The following GRIN2D variants were observed in gnomAD, a reference collection of about 807,000 sequenced individuals.
The protein encoded by GRIN2D is glutamate receptor ionotropic, NMDA 2D.
GRIN2D carries 37 observed loss-of-function variants against 103.2 expected under a neutral mutation model. The ratio of observed to expected loss-of-function variants is 0.36; its 90% CI spans 0.28 to 0.47. GRIN2D has a LOEUF of 0.47. Among genes scored for constraint, GRIN2D ranks in the 20% least tolerant of loss-of-function variants. The probability of loss-of-function intolerance (pLI) is 1.00; values close to 1 mark genes in which losing one functional copy is unlikely to be tolerated. For missense variants in GRIN2D, 1,557 were observed against 1,910.6 expected, an observed-to-expected ratio of 0.81 and a Z score of 3.45; for synonymous variants, 845 against 885.6, an observed-to-expected ratio of 0.95 and a Z score of 0.81.
chr19:48,435,527 T>C lies in GRIN2D; in HGVS notation c.2253-6242T>C, dbSNP rs142633092. 4.6e-3 allele frequency among the ~76,000 whole-genome samples: 697 copies of C among 152,090 alleles called. 9 individuals carry two copies. Among genetic ancestry groups the C allele is most frequent in the African/African-American group, 0.016 (672 of 41,506 alleles). Reference sequence around the variant, plus strand: ...CTGGTCATGAACTTCTGAACTCAGGTGATCCGCTCGAGGTTCAAGCAATTC... The same window carrying C: ...CTGGTCATGAACTTCTGAACTCAGGCGATCCGCTCGAGGTTCAAGCAATTC... On this transcript the variant is annotated intron_variant, in intron 11 of 13. Coordinates refer to ENST00000263269, the MANE Select transcript of GRIN2D (RefSeq NM_000836.4).
rs1423192535 is a variant in GRIN2D at position 48,442,602 on chromosome 19, C to A, written c.2676C>A (p.Gly892=). 6 of 1,510,272 alleles carry A rather than the reference C, an allele frequency of 4.0e-6. No homozygotes were observed. In the African/African-American group the frequency reaches 5.5e-5, roughly 14 times the overall value. The allele number at this position is 1,510,272 out of a possible 1,614,324, so 93.6% of individuals were successfully genotyped here. A position where few individuals can be genotyped will look rare whatever the true frequency, so the allele number is the denominator to read the frequency against. The change falls in exon 14 of 14, where the codon GGC becomes GGA. Residue 892 remains glycine (G), a splice_region_variant and synonymous_variant. Coordinates refer to ENST00000263269, the MANE Select transcript of GRIN2D (RefSeq NM_000836.4). The surrounding 1 kb of genome is among the most constrained non-coding windows in gnomAD (Gnocchi z 7.2). ...RMDFLLAFSR[G]MYSCCSAEAA... is the part of the protein sequence containing the mutation. ...CCGTCCTGTCCCCGGACCCGCAGGGCATGTACAGCTGCTGCAGCGCTGAGG... is the reference window on the plus strand; with the variant it reads ...CCGTCCTGTCCCCGGACCCGCAGGGAATGTACAGCTGCTGCAGCGCTGAGG...
chr19:48,423,306 C>A (rs1395919536), intron 11 of GRIN2D, among the ~76,000 whole-genome samples: 2 of 152,188 alleles, frequency 1.3e-5, no homozygotes, highest in Non-Finnish European at 2.9e-5. Context: ...CCCCGTCCTG[C>A]ATTTACTCAG....
chr19:48,398,978 A>G, intron 3 of GRIN2D, 121 bp downstream of exon 3: 1 of 964,798 alleles, frequency 1.0e-6, no homozygotes, highest in Non-Finnish European at 1.4e-6. Context: ...TGTGGGTCCG[A>G]GTCTGGGACA....
chr19:48,405,340 G>A lies in GRIN2D; in HGVS notation c.1072G>A (p.Glu358Lys). 2 of 1,586,470 alleles carry A rather than the reference G, an allele frequency of 1.3e-6. No individual in the cohort carries two copies. Among genetic ancestry groups the A allele is most frequent in the South Asian group, 1.1e-5 (1 of 87,988 alleles). ...CGCCCAGAACCGCACCCACCGCGGC[G>A]AGAGTCTGCATAGGTGAGTGGGGCT... is the stretch of plus-strand genomic sequence containing the variant. ...CRAQNRTHRG[E>K]SLHRYFMNIT... Residue 358 changes from glutamate (E) to lysine (K), a missense_variant, in exon 4 of 14, where the codon GAG becomes AAG. By Grantham distance (56) the Glu-to-Lys change is moderately conservative (BLOSUM62 1). Transcript: ENST00000263269. The surrounding 1 kb of genome is among the most constrained non-coding windows in gnomAD (Gnocchi z 5.1).
At chr19:48,427,906 G>A (rs1432948290) in intron 11 of GRIN2D, among the ~76,000 whole-genome samples, 1 of 152,098 alleles carries the variant, frequency 6.6e-6, no homozygotes, top group Non-Finnish European at 1.5e-5. Flanking sequence ...TAGTCCTGGA[G>A]GCTAGGCATC....
At position 48,443,946 on chromosome 19, in the gene GRIN2D, C is replaced by G; in HGVS notation, c.*9C>G. 1 of 1,390,942 alleles carries G rather than the reference C, an allele frequency of 7.2e-7. No individual in the cohort carries two copies. The allele number at this position is 1,390,942 out of a possible 1,614,324, so 86.2% of individuals were successfully genotyped here. A position where few individuals can be genotyped will look rare whatever the true frequency, so the allele number is the denominator to read the frequency against. ...TCGAGTCCGAGGTATGACGCGGCCC[C>G]GGGGGCCCCACCGCCCCCTTGGTCA... On this transcript the variant is annotated 3_prime_UTR_variant, in exon 14 of 14. Coordinates refer to ENST00000263269, the MANE Select transcript of GRIN2D (RefSeq NM_000836.4). This position sits in a 1 kb window ranked among gnomAD's most constrained non-coding sequence, Gnocchi z 8.9.
chr19:48,405,839 G>GTGAT lies in GRIN2D; in HGVS notation c.1085+487_1085+490dup, dbSNP rs1035004885. Among the ~76,000 whole-genome samples, 2 of 152,186 alleles carry GTGAT rather than the reference G, an allele frequency of 1.3e-5. No homozygotes were observed. Among genetic ancestry groups the GTGAT allele is most frequent in the African/African-American group, 4.8e-5 (2 of 41,446 alleles). The stretch of plus-strand genomic sequence containing the variant: ...CCTGATAAGGAGACTGCTGTTCCAT[G>GTGAT]TGATCATTCAGGGACCCAGGATTCT... On this transcript the variant is annotated intron_variant, in intron 4 of 13. Coordinates refer to ENST00000263269, the MANE Select transcript of GRIN2D (RefSeq NM_000836.4). The surrounding 1 kb of genome is among the most constrained non-coding windows in gnomAD (Gnocchi z 5.1).
intron 4 of GRIN2D, among the ~76,000 whole-genome samples, chr19:48,406,985 C>CTTT (rs11372604): frequency 9.8e-4 from 141 of 144,560 alleles, no homozygotes; most frequent in African/African-American, 3.4e-3. Context: ...TTTCCTTTTT[C>CTTT]TTTTTTTTTT....
Position 48,442,652 on chromosome 19 carries a change from C to A in GRIN2D, c.2726C>A (p.Pro909Gln). 6.8e-7 allele frequency: 1 copy of A among 1,474,012 alleles called. No homozygotes were observed. Among genetic ancestry groups the A allele is most frequent in the Non-Finnish European group, 9.0e-7 (1 of 1,112,184 alleles). 91.3% of individuals were successfully genotyped at this position (1,474,012 alleles called of 1,614,324 possible). A position where few individuals can be genotyped will look rare whatever the true frequency, so the allele number is the denominator to read the frequency against. Residue 909 changes from proline (P) to glutamine (Q), a missense_variant, in exon 14 of 14, where the codon CCG becomes CAG. Around this residue, in one of 7 missense-constraint regions of GRIN2D, gnomAD observed 632 missense variants for 572.8 expected, o/e 1.10. Coordinates refer to ENST00000263269, the MANE Select transcript of GRIN2D (RefSeq NM_000836.4). This position sits in a 1 kb window ranked among gnomAD's most constrained non-coding sequence, Gnocchi z 7.2. ...GCCGCCCCACCGCCCGCCAAGCCCC[C>A]GCCGCCGCCACAGCCCCTGCCCAGC... ...AEAAPPPAKP[P>Q]PPPQPLPSPA...
intron 2 of GRIN2D, among the ~76,000 whole-genome samples, chr19:48,396,328 T>A (rs529254007): frequency 1.3e-5 from 2 of 151,482 alleles, no homozygotes; most frequent in African/African-American, 4.8e-5. Flanking sequence ...TCCCTGTGGT[T>A]AGGAACTGAG....
At chr19:48,404,614 A>G in intron 3 of GRIN2D, 120 bp from the exon 4 acceptor site, 1 of 949,700 alleles carries the variant, frequency 1.1e-6, no homozygotes, top group Middle Eastern at 3.4e-4. Flanking sequence ...GGAAAAGGAG[A>G]TGGGTTTAGT....
intron 11 of GRIN2D, among the ~76,000 whole-genome samples, chr19:48,423,829 T>G (rs1466357680): frequency 6.6e-6 from 1 of 152,116 alleles, no homozygotes; most frequent in African/African-American, 2.4e-5. Flanking sequence ...TGTTTTTGTT[T>G]GTTTTGAGAC....
At chr19:48,415,497 CAGG>C (rs1158989772) in intron 7 of GRIN2D, among the ~76,000 whole-genome samples, 2 of 100,664 alleles carry the variant, frequency 2.0e-5, no homozygotes, top group Admixed American at 1.2e-4. Flanking sequence ...GGGGCGGGGT[CAGG>C]AGGTGTCAGG....
chr19:48,415,667 G>A (rs1970938646), intron 7 of GRIN2D, among the ~76,000 whole-genome samples: 1 of 149,576 alleles, frequency 6.7e-6, no homozygotes, highest in Non-Finnish European at 1.5e-5. Flanking sequence ...GGGCTGGGAG[G>A]AGGGACTTTG....
At chr19:48,402,793 AGAGAGAGAG>A (rs1569059440) in intron 3 of GRIN2D, among the ~76,000 whole-genome samples, 6 of 149,032 alleles carry the variant, frequency 4.0e-5, no homozygotes, top group African/African-American at 1.5e-4. Context: ...AGAGAGAGAG[AGAGAGAGAG>A]AGAATAGGGA....
intron 11 of GRIN2D, 47 bp from the exon 12 acceptor site, chr19:48,441,722 G>C (rs1471289515): frequency 3.3e-6 from 5 of 1,506,380 alleles, no homozygotes; most frequent in Non-Finnish European, 4.5e-6. Context: ...TGGCGGCCAG[G>C]GCATCTAGGT....
In GRIN2D at chr19:48,414,679, A is replaced by C; in HGVS notation, c.1412+95A>C. On this transcript the variant is annotated intron_variant, in intron 6 of 13. Transcript: ENST00000263269. This position sits in a 1 kb window ranked among gnomAD's most constrained non-coding sequence, Gnocchi z 4.6. ...CCAGCCCCCTCCTCCCTTGGGACCCAGGACCCACAAAGCCCTCCAGCTTGG... is the reference window on the plus strand; with the variant it reads ...CCAGCCCCCTCCTCCCTTGGGACCCCGGACCCACAAAGCCCTCCAGCTTGG... 7.7e-7 allele frequency: 1 copy of C among 1,304,022 alleles called. No homozygotes were observed. The highest frequency in any genetic ancestry group is 1.1e-6 in the Non-Finnish European group (1 of 939,976). The allele number at this position is 1,304,022 out of a possible 1,614,324, so 80.8% of individuals were successfully genotyped here. A position where few individuals can be genotyped will look rare whatever the true frequency, so the allele number is the denominator to read the frequency against.
In GRIN2D at chr19:48,405,456, A is replaced by G; in HGVS notation, c.1085+103A>G. On this transcript the variant is annotated intron_variant, in intron 4 of 13. Transcript: ENST00000263269. This position sits in a 1 kb window ranked among gnomAD's most constrained non-coding sequence, Gnocchi z 5.1. ...TCAAATGGGCCACATCTGCTCTTTG[A>G]GCCTCAGTTTTCTTTTCTGTAAAGT... 4 of 1,195,930 alleles carry G rather than the reference A, an allele frequency of 3.3e-6. No homozygotes were observed. The highest frequency in any genetic ancestry group is 1.8e-5 in the South Asian group (1 of 56,684). 74.1% of individuals were successfully genotyped at this position (1,195,930 alleles called of 1,614,324 possible). A position where few individuals can be genotyped will look rare whatever the true frequency, so the allele number is the denominator to read the frequency against.
chr19:48,435,448 CCTGA>C lies in GRIN2D; in HGVS notation c.2253-6318_2253-6315del, dbSNP rs1971218146. Among the ~76,000 whole-genome samples the C allele has an allele frequency of 3.3e-5, 5 of 152,086 alleles. No individual in the cohort carries two copies. In the South Asian group the frequency reaches 1.0e-3, roughly 32 times the overall value. ...GAGATTACAGGCGTGTGCCACCACA[CCTGA>C]CTAATTTTTGTATTTTTAGTAGCAA... is the stretch of plus-strand genomic sequence containing the variant. On this transcript the variant is annotated intron_variant, in intron 11 of 13. Coordinates refer to ENST00000263269, the MANE Select transcript of GRIN2D (RefSeq NM_000836.4).
Sources: gnomAD v4.1 joint callset for allele counts (sites outside exome capture counted in the v4.1 genomes callset) on GRCh38, gnomAD v4.1.1 for gene constraint, gnomAD v4.1.1 regional missense constraint, Gnocchi (gnomAD v3.1) non-coding constraint, MANE v1.5 for transcripts, NCBI Gene and HGNC (gene_info 2026-07-23, HGNC 2026-07-21) for gene names.